Variants in ALG13 observed in about 807,000 individuals in gnomAD.
The protein encoded by ALG13 is ALG13 UDP-N-acetylglucosaminyltransferase subunit.
ALG13 carries 11 observed loss-of-function variants against 87.8 expected under a neutral mutation model. The ratio of observed to expected loss-of-function variants is 0.13; its 90% CI spans 0.08 to 0.21. The LOEUF is 0.21. ALG13 is among the 10% of genes least tolerant of loss of function. The probability of loss-of-function intolerance (pLI) is 1.00; values close to 1 mark genes in which losing one functional copy is unlikely to be tolerated. For synonymous variants in ALG13, 320 were observed against 306.3 expected, an observed-to-expected ratio of 1.04 and a Z score of -0.47; for missense variants, 756 against 866.1, an observed-to-expected ratio of 0.87 and a Z score of 1.60.
chrX:111,738,007 C>T (rs768692124), intron 23 of ALG13, among the ~76,000 whole-genome samples: 6 of 112,298 alleles, frequency 5.3e-5, no homozygotes, highest in Middle Eastern at 4.6e-3. Flanking sequence ...ACAAATATAT[C>T]TTAAGGAATA....
In ALG13 at chrX:111,688,099, ATAAT is replaced by A. The variant is rs1300850771; in HGVS notation, c.383+3001_383+3004del. 14 of 858,153 alleles carry A rather than the reference ATAAT, an allele frequency of 1.6e-5. No individual in the cohort carries two copies. In the South Asian group the frequency reaches 5.0e-4, roughly 30 times the overall value. 70.7% of individuals were successfully genotyped at this position (858,153 alleles called of 1,213,427 possible). On this transcript the variant is annotated intron_variant, in intron 3 of 26. Transcript: ENST00000394780. The stretch of plus-strand genomic sequence containing the variant: ...ACATAATATATATTTACAAAATAAT[ATAAT>A]TAATAAACTTCCTACATCTATAGAA...
At chrX:111,725,801 T>C (rs756723061) in intron 15 of ALG13, among the ~76,000 whole-genome samples, 13 of 111,621 alleles carry the variant, frequency 1.2e-4, no homozygotes, top group Admixed American at 4.7e-4. Flanking sequence ...GGGGGAAAAA[T>C]ATTTCTTAGA....
At chrX:111,681,862 A>G in intron 1 of ALG13, 1 of 897,291 alleles carries the variant, frequency 1.1e-6, no homozygotes. Context: ...GTTCCCCCCG[A>G]GTTTGCGACT....
At chrX:111,758,174 A>G (rs1323180689) in intron 26 of ALG13, among the ~76,000 whole-genome samples, 1 of 112,014 alleles carries the variant, frequency 8.9e-6, no homozygotes, top group East Asian at 2.8e-4. Context: ...TTATCCTTGA[A>G]TAGTTGTATT....
At chrX:111,699,554 A>AT in intron 3 of ALG13, among the ~76,000 whole-genome samples, 1 of 111,613 alleles carries the variant, frequency 9.0e-6, no homozygotes, top group South Asian at 3.7e-4. Context: ...TTTTGAGTTG[A>AT]TTTTTTAATA....
In ALG13 at chrX:111,727,387, TACCCAG is replaced by T. The variant is rs764031698; in HGVS notation, c.2033_2038del (p.Tyr678_Gly680delinsCys). On this transcript the variant is annotated inframe_deletion, in exon 17 of 27. Coordinates refer to ENST00000394780, the MANE Select transcript of ALG13 (RefSeq NM_001099922.3). Reference sequence around the variant, plus strand: ...CATGCCGGGCCCTAAAGTTGATTTTTACCCAGGCCCAGGTAAAAGGTGCTGCCAGAG... The same window carrying T: ...CATGCCGGGCCCTAAAGTTGATTTTTGCCCAGGTAAAAGGTGCTGCCAGAG... 1.7e-5 allele frequency: 20 copies of T among 1,210,719 alleles called. No homozygotes were observed. The highest frequency in any genetic ancestry group is 2.0e-5 in the Non-Finnish European group (18 of 894,896).
chrX:111,745,727 A>C (rs1944178077), intron 24 of ALG13, among the ~76,000 whole-genome samples: 1 of 111,259 alleles, frequency 9.0e-6, no homozygotes, highest in Admixed American at 9.6e-5. Context: ...TTTTCATTTC[A>C]ATAATGAAAT....
Position 111,759,928 on chromosome X carries a change from A to G in ALG13, c.3343A>G (p.Ile1115Val), listed in dbSNP as rs754296667. ...YGGSSQIHGA[I>V]NPGPIGCIAP... Reference sequence around the variant, plus strand: ...TGGTTCTTCTCAAATTCATGGTGCTATAAATCCTGGGCCAATTGGCTGTAT... The same window carrying G: ...TGGTTCTTCTCAAATTCATGGTGCTGTAAATCCTGGGCCAATTGGCTGTAT... Residue 1115 changes from isoleucine (I) to valine (V), a missense_variant, in exon 27 of 27, where the codon ATA becomes GTA. Around this residue, in one of 9 missense-constraint regions of ALG13, gnomAD observed 110 missense variants for 104.9 expected, o/e 1.05. Coordinates refer to ENST00000394780, the MANE Select transcript of ALG13 (RefSeq NM_001099922.3). 7.4e-6 allele frequency: 9 copies of G among 1,210,965 alleles called. No individual in the cohort carries two copies. The highest frequency in any genetic ancestry group is 1.8e-5 in the South Asian group (1 of 56,906).
At position 111,720,157 on chromosome X, in the gene ALG13, C is replaced by A. The variant is rs367783946; in HGVS notation, c.1313C>A (p.Thr438Lys). ...ENIPEGYNKG[T>K]EETKSPENPS... ...ATACCAGAGGGCTACAATAAAGGAA[C>A]AGAAGAAACAAAGGTTTGATATTTT... The change falls in exon 11 of 27, where the codon ACA becomes AAA. Residue 438 changes from threonine (T) to lysine (K), a missense_variant. Physicochemically the swap from Thr to Lys is moderately conservative, Grantham distance 78. This residue lies in a region of ALG13 where 48 missense variants were observed against 50.5 expected (regional missense o/e 0.95). Transcript: ENST00000394780. 243 of 1,178,498 alleles carry A rather than the reference C, an allele frequency of 2.1e-4. No individual in the cohort carries two copies. Among genetic ancestry groups the A allele is most frequent in the South Asian group, 2.7e-4 (14 of 51,308 alleles).
At chrX:111,735,605 A>G (rs1157302665) in intron 22 of ALG13, among the ~76,000 whole-genome samples, 1 of 111,396 alleles carries the variant, frequency 9.0e-6, no homozygotes, top group Non-Finnish European at 1.9e-5. Context: ...AGAGGGAGGA[A>G]AAGCACGAGA....
chrX:111,728,117 C>T, intron 18 of ALG13, 68 bp from the exon 19 acceptor site: 14 of 1,190,260 alleles, frequency 1.2e-5, no homozygotes, highest in East Asian at 8.9e-5. Flanking sequence ...CCTTTTAAAA[C>T]ATCCCTCTAG....
chrX:111,705,392 A>G (rs1046905421), intron 3 of ALG13, among the ~76,000 whole-genome samples: 1 of 111,680 alleles, frequency 9.0e-6, no homozygotes, highest in Non-Finnish European at 1.9e-5. Context: ...CTGGTTAGAT[A>G]TGTGATGTAA....
rs2148534583 is a variant in ALG13 at position 111,760,333 on chromosome X, A to G, written c.*334A>G. On this transcript the variant is annotated 3_prime_UTR_variant, in exon 27 of 27. Transcript: ENST00000394780. ...GAATATAAAGTATTTCATTGGTTCAAAAATCACACATCATATTAAACCATG... is the reference window on the plus strand; with the variant it reads ...GAATATAAAGTATTTCATTGGTTCAGAAATCACACATCATATTAAACCATG... 5.7e-6 allele frequency: 1 copy of G among 176,240 alleles called. No homozygotes were observed. Among genetic ancestry groups the G allele is most frequent in the Middle Eastern group, 2.0e-3 (1 of 489 alleles). The allele number at this position is 176,240 out of a possible 1,213,427, so 14.5% of individuals were successfully genotyped here. A position where few individuals can be genotyped will look rare whatever the true frequency, so the allele number is the denominator to read the frequency against.
At chrX:111,712,359 T>C in intron 6 of ALG13, 125 bp from the exon 7 acceptor site, 1 of 389,575 alleles carries the variant, frequency 2.6e-6, no homozygotes, top group Non-Finnish European at 4.6e-6. Flanking sequence ...TAAAACAGGT[T>C]ATAGTGTGTT....
chrX:111,681,672 C>A, intron 1 of ALG13: 1 of 886,778 alleles, frequency 1.1e-6, no homozygotes, highest in African/African-American at 2.1e-5. Flanking sequence ...TTCCTCAGGC[C>A]CCCCTGTGGA....
chrX:111,742,200 G>C (rs917392399), intron 23 of ALG13, among the ~76,000 whole-genome samples: 6 of 111,174 alleles, frequency 5.4e-5, no homozygotes, highest in Non-Finnish European at 7.5e-5. Context: ...CAATCCTATA[G>C]ATGAAACGAC....
At chrX:111,712,595 G>A (rs1009062429) in intron 7 of ALG13, 65 bp downstream of exon 7, 1 of 643,583 alleles carries the variant, frequency 1.6e-6, no homozygotes, top group Middle Eastern at 3.4e-4. Context: ...AGATCTCAAC[G>A]GTCTCTTCAG....
intron 3 of ALG13, chrX:111,689,235 A>G (rs1409553642): frequency 2.7e-6 from 2 of 750,532 alleles, no homozygotes. Context: ...CACCATAATC[A>G]TAATTGTATA....
intron 24 of ALG13, among the ~76,000 whole-genome samples, 181 bp downstream of exon 24, chrX:111,745,085 A>C (rs968393653): frequency 1.8e-5 from 2 of 111,556 alleles, no homozygotes; most frequent in Admixed American, 1.9e-4. Flanking sequence ...AATATCTTCT[A>C]CATAATCAAC....
Sources: gnomAD v4.1 joint callset for allele counts (sites outside exome capture counted in the v4.1 genomes callset) on GRCh38, gnomAD v4.1.1 for gene constraint, gnomAD v4.1.1 regional missense constraint, MANE v1.5 for transcripts, NCBI Gene and HGNC (gene_info 2026-07-23, HGNC 2026-07-21) for gene names.